Variants in TCF7L2 observed in about 807,000 individuals in gnomAD.
The protein encoded by TCF7L2 is transcription factor 7 like 2, also known as transcription factor 7-like 2.
A neutral mutation model predicts 77.9 loss-of-function variants in TCF7L2; 23 were observed. That is an observed-to-expected ratio of 0.30 (90% confidence interval 0.21 to 0.42). TCF7L2 has a LOEUF of 0.42. TCF7L2 is among the 10% of genes least tolerant of loss of function. TCF7L2 has a pLI of 1.00. For missense variants in TCF7L2, 654 were observed against 793.1 expected (o/e 0.82, Z 2.11); for synonymous variants, 413 against 340.2 (o/e 1.21, Z -2.36).
intron 5 of TCF7L2, among the ~76,000 whole-genome samples, chr10:113,065,932 C>T (rs2057184207): frequency 6.6e-6 from 1 of 152,098 alleles, no homozygotes. Context: ...CAGTATAAGG[C>T]TGTGATAATT....
chr10:113,142,598 G>A (rs1314655427), intron 6 of TCF7L2, among the ~76,000 whole-genome samples: 1 of 152,162 alleles, frequency 6.6e-6, no homozygotes, highest in Admixed American at 6.5e-5. Flanking sequence ...CTGGTTAGGC[G>A]GCCTTCACTG....
chr10:112,986,253 A>C (rs931371509), intron 4 of TCF7L2, among the ~76,000 whole-genome samples: 9 of 151,956 alleles, frequency 5.9e-5, no homozygotes, highest in African/African-American at 2.2e-4. Flanking sequence ...GAGTCAGTAG[A>C]TGTTTCTCGG....
intron 4 of TCF7L2, among the ~76,000 whole-genome samples, chr10:112,998,856 G>T (rs998290681): frequency 2.0e-5 from 3 of 152,126 alleles, no homozygotes; most frequent in Non-Finnish European, 4.4e-5. Context: ...GCATGTCTTT[G>T]TATTTTTCTT....
intron 4 of TCF7L2, among the ~76,000 whole-genome samples, chr10:112,981,355 T>G (rs527346027): frequency 2.6e-5 from 4 of 152,292 alleles, no homozygotes; most frequent in African/African-American, 9.6e-5. Flanking sequence ...AGCTGTGTTT[T>G]GCTTGGGTGA....
intron 1 of TCF7L2, 94 bp from the exon 2 acceptor site, chr10:112,951,113 C>T (rs917069630): frequency 3.0e-4 from 375 of 1,264,366 alleles, no homozygotes; most frequent in Non-Finnish European, 3.9e-4. Context: ...TTTTTCTACC[C>T]CCCCCTCGAC....
In TCF7L2 at chr10:113,144,088, C is replaced by CTG. The variant is rs746047660; in HGVS notation, c.788+73_788+74dup. 4.8e-5 allele frequency: 61 copies of CTG among 1,262,006 alleles called. No individual in the cohort carries two copies. The African/African-American group carries it at 9.0e-4, about 19-fold the overall frequency. 78.2% of individuals were successfully genotyped at this position (1,262,006 alleles called of 1,614,324 possible). A position where few individuals can be genotyped will look rare whatever the true frequency, so the allele number is the denominator to read the frequency against. ...TACATGGGCATGTTTATTATTTATT[C>CTG]TGTGTGTGTGTCTGTGTGTGTGTGT... is the stretch of plus-strand genomic sequence containing the variant. On this transcript the variant is annotated intron_variant, in intron 7 of 13. Transcript: ENST00000627217.
intron 5 of TCF7L2, among the ~76,000 whole-genome samples, chr10:113,088,824 C>T (rs191834388): frequency 2.6e-5 from 4 of 151,938 alleles, no homozygotes. Context: ...AAAAGATTAG[C>T]TGAGTGTGGT....
At chr10:113,156,218 G>T (rs898836758) in intron 11 of TCF7L2, among the ~76,000 whole-genome samples, 2 of 150,912 alleles carry the variant, frequency 1.3e-5, no homozygotes, top group African/African-American at 4.9e-5. Flanking sequence ...AGGTTCAAGT[G>T]ATCCTCCTGT....
intron 5 of TCF7L2, among the ~76,000 whole-genome samples, chr10:113,117,853 G>T (rs1222427669): frequency 6.6e-6 from 1 of 152,188 alleles, no homozygotes; most frequent in Non-Finnish European, 1.5e-5. Flanking sequence ...TGCTGTTTCT[G>T]CTCCGCCACA....
chr10:113,064,558 T>A (rs1193628682), intron 5 of TCF7L2, among the ~76,000 whole-genome samples: 5 of 152,266 alleles, frequency 3.3e-5, no homozygotes. Flanking sequence ...AAAGCCCTCT[T>A]GTTTCAGCCT....
chr10:113,138,101 C>A (rs760930368), intron 5 of TCF7L2, among the ~76,000 whole-genome samples: 15 of 152,286 alleles, frequency 9.8e-5, no homozygotes, highest in African/African-American at 2.2e-4. Context: ...AACCCATGAG[C>A]TTGGACAGAG....
At chr10:113,099,981 A>G (rs2061454112) in intron 5 of TCF7L2, among the ~76,000 whole-genome samples, 1 of 152,172 alleles carries the variant, frequency 6.6e-6, no homozygotes, top group African/African-American at 2.4e-5. Context: ...CAAGTACCCC[A>G]GCTTTTCTGT....
At chr10:113,036,117 AT>A (rs1453243033) in intron 4 of TCF7L2, among the ~76,000 whole-genome samples, 572 of 4,322 alleles carry the variant, frequency 0.13, 2 homozygotes, top group African/African-American at 0.36. Flanking sequence ...CATCATCACC[AT>A]CATCATCATC....
Position 113,166,219 on chromosome 10 carries a change from T to C in TCF7L2, c.*247T>C. The C allele has an allele frequency of 5.5e-6, 2 of 361,798 alleles. No individual in the cohort carries two copies. The highest frequency in any genetic ancestry group is 9.0e-5 in the Admixed American group (2 of 22,278). The allele number at this position is 361,798 out of a possible 1,614,324, so 22.4% of individuals were successfully genotyped here. A position where few individuals can be genotyped will look rare whatever the true frequency, so the allele number is the denominator to read the frequency against. ...TACCAAAATTTTTATCAACAGCTGT[T>C]TAAAGTCTTTGTAGCGTTTAAAAAA... On this transcript the variant is annotated 3_prime_UTR_variant, in exon 14 of 14. Coordinates refer to ENST00000627217, the MANE Select transcript of TCF7L2 (RefSeq NM_001146274.2).
chr10:113,165,433 T>C (rs1304685520), intron 13 of TCF7L2, 122 bp from the exon 15 acceptor site: 2 of 1,103,158 alleles, frequency 1.8e-6, no homozygotes, highest in South Asian at 1.5e-5. Context: ...CTCGGACCAC[T>C]GGGCGTGCCA....
chr10:113,117,402 T>TTCTCCCCA (rs2063905673), intron 5 of TCF7L2, among the ~76,000 whole-genome samples: 1 of 54,710 alleles, frequency 1.8e-5, no homozygotes, highest in Non-Finnish European at 3.7e-5. Context: ...TCTCTCTCTC[T>TTCTCCCCA]CTCTCTCTCT....
intron 5 of TCF7L2, among the ~76,000 whole-genome samples, chr10:113,070,205 G>A (rs1366917231): frequency 2.0e-5 from 3 of 150,228 alleles, no homozygotes; most frequent in South Asian, 2.1e-4. Context: ...GCAGTGAGCC[G>A]AGATGGTGCC....
chr10:113,020,083 G>T (rs1295505618), intron 4 of TCF7L2, among the ~76,000 whole-genome samples: 2 of 152,164 alleles, frequency 1.3e-5, no homozygotes, highest in Non-Finnish European at 2.9e-5. Context: ...GTGGCCCGAG[G>T]GTAAGCTTTT....
chr10:112,971,378 T>C (rs1473856306), intron 4 of TCF7L2, among the ~76,000 whole-genome samples: 1 of 152,134 alleles, frequency 6.6e-6, no homozygotes, highest in Admixed American at 6.5e-5. Flanking sequence ...TTGTCCAGGC[T>C]GGAGGTTTTT....
Sources: gnomAD v4.1 joint callset for allele counts (sites outside exome capture counted in the v4.1 genomes callset) on GRCh38, gnomAD v4.1.1 for gene constraint, MANE v1.5 for transcripts, NCBI Gene and HGNC (gene_info 2026-07-23, HGNC 2026-07-21) for gene names.